HECW1: variants seen among roughly 807,000 people sequenced by gnomAD.
HECW1 encodes HECT, C2 and WW domain containing E3 ubiquitin protein ligase 1.
Under a neutral mutation model 182.3 loss-of-function variants are expected in HECW1, and 61 were observed. That is an observed-to-expected ratio of 0.33 (90% CI 0.27 to 0.41). The LOEUF is 0.41. HECW1 is among the 10% of genes least tolerant of loss of function. The pLI is 1.00. For synonymous variants in HECW1, 859 were observed against 832.6 expected (o/e 1.03, Z -0.55); for missense variants, 1,739 against 2,108.9 (o/e 0.82, Z 3.44).
Position 43,365,827 on chromosome 7 carries a change from C to T in HECW1, c.555+4847C>T, listed in dbSNP as rs185616234. On this transcript the variant is annotated intron_variant, in intron 6 of 29. Coordinates refer to ENST00000395891, the MANE Select transcript of HECW1 (RefSeq NM_015052.5). ...AACAAAGAACGGCTGGGTGCAGTGG[C>T]TCACGCCTGTAATCCTAGCACTTTG... Among the ~76,000 whole-genome samples, 470 of 152,268 alleles carry T rather than the reference C, an allele frequency of 3.1e-3. 3 individuals are homozygous for T. The highest frequency in any genetic ancestry group is 5.1e-3 in the Non-Finnish European group (347 of 68,030).
At chr7:43,349,170 G>A (rs1814075991) in intron 5 of HECW1, among the ~76,000 whole-genome samples, 2 of 152,242 alleles carry the variant, frequency 1.3e-5, no homozygotes, top group South Asian at 2.1e-4. Flanking sequence ...GAGTAGTTGG[G>A]ATTACAGGCA....
Position 43,346,728 on chromosome 7 carries a change from G to T in HECW1, c.461-14158G>T, listed in dbSNP as rs141713764. On this transcript the variant is annotated intron_variant, in intron 5 of 29. Coordinates refer to ENST00000395891, the MANE Select transcript of HECW1 (RefSeq NM_015052.5). The stretch of plus-strand genomic sequence containing the variant: ...TACATGAGGCTAGCCAATTATCCCA[G>T]CACCATTTGTTGAAAAGGGCATCCT... 2.8e-3 allele frequency among the ~76,000 whole-genome samples: 427 copies of T among 152,242 alleles called. 1 individual carries two copies. The highest frequency in any genetic ancestry group is 9.9e-3 in the African/African-American group (410 of 41,546).
At chr7:43,126,266 A>G (rs1786236219) in intron 2 of HECW1, among the ~76,000 whole-genome samples, 1 of 151,750 alleles carries the variant, frequency 6.6e-6, no homozygotes, top group Admixed American at 6.6e-5. Context: ...CTTCCCCACC[A>G]CTAGAAAAAT....
intron 24 of HECW1, among the ~76,000 whole-genome samples, chr7:43,525,399 A>G (rs971863653): frequency 6.6e-6 from 1 of 152,172 alleles, no homozygotes; most frequent in African/African-American, 2.4e-5. Context: ...TTAAAAAGCA[A>G]ATTATATGAA....
chr7:43,209,866 C>T (rs1259703484), intron 2 of HECW1, among the ~76,000 whole-genome samples: 1 of 152,164 alleles, frequency 6.6e-6, no homozygotes, highest in Non-Finnish European at 1.5e-5. Flanking sequence ...ATGGGCCGGG[C>T]ATTGGCGTTC....
chr7:43,488,399 G>T (rs1160122650), intron 17 of HECW1, among the ~76,000 whole-genome samples: 4 of 67,612 alleles, frequency 5.9e-5, no homozygotes, highest in South Asian at 9.8e-4. Flanking sequence ...AGGAAGGAAG[G>T]AAATGAAAGA....
intron 6 of HECW1, among the ~76,000 whole-genome samples, chr7:43,389,915 G>T (rs1016455993): frequency 7.9e-5 from 12 of 152,098 alleles, no homozygotes; most frequent in African/African-American, 2.9e-4. Flanking sequence ...TTACAGGTGT[G>T]AGCCACCCAC....
chr7:43,543,285 G>A (rs1156415034), intron 26 of HECW1, among the ~76,000 whole-genome samples: 1 of 152,158 alleles, frequency 6.6e-6, no homozygotes, highest in East Asian at 1.9e-4. Context: ...GCACTGGGTC[G>A]CTGCATGAGA....
Position 43,157,540 on chromosome 7 carries a change from A to T in HECW1, c.-32+43149A>T, listed in dbSNP as rs375798536. 5.3e-5 allele frequency among the ~76,000 whole-genome samples: 8 copies of T among 152,282 alleles called. No individual in the cohort carries two copies. The East Asian group carries it at 1.5e-3, about 29-fold the overall frequency. On this transcript the variant is annotated intron_variant, in intron 2 of 29. Transcript: ENST00000395891. ...TTGTGCTGTCACAGGGTTTACATTT[A>T]TAAGGATAAAATTGATATATTCTTT... is the stretch of plus-strand genomic sequence containing the variant.
At chr7:43,181,384 GT>G (rs1792845339) in intron 2 of HECW1, among the ~76,000 whole-genome samples, 1 of 150,918 alleles carries the variant, frequency 6.6e-6, no homozygotes, top group African/African-American at 2.5e-5. Context: ...GGATCATATA[GT>G]AGTTCTATTT....
chr7:43,147,719 G>C (rs1166867254), intron 2 of HECW1: 2 of 152,104 alleles, frequency 1.3e-5, no homozygotes, highest in Non-Finnish European at 2.9e-5. Context: ...AATGGCCCTT[G>C]ATGGTGCTGT....
At chr7:43,191,806 A>C (rs567887747) in intron 2 of HECW1, among the ~76,000 whole-genome samples, 99 of 152,330 alleles carry the variant, frequency 6.5e-4, no homozygotes, top group African/African-American at 2.2e-3. Flanking sequence ...ATAATCTCAA[A>C]TAATACAGCA....
At chr7:43,409,220 T>C (rs758859953) in intron 8 of HECW1, among the ~76,000 whole-genome samples, 42 of 152,222 alleles carry the variant, frequency 2.8e-4, no homozygotes, top group Non-Finnish European at 4.1e-4. Flanking sequence ...GTACTTAAAC[T>C]TCCTCCTAGC....
At chr7:43,296,522 C>T (rs755856081) in intron 3 of HECW1, among the ~76,000 whole-genome samples, 2 of 152,140 alleles carry the variant, frequency 1.3e-5, no homozygotes, top group African/African-American at 2.4e-5. Context: ...CAGCTGTGGA[C>T]GCAGCTGCGG....
At chr7:43,265,958 T>G (rs1184752486) in intron 3 of HECW1, among the ~76,000 whole-genome samples, 2 of 151,082 alleles carry the variant, frequency 1.3e-5, no homozygotes, top group East Asian at 2.0e-4. Context: ...TGAGGGGGGG[T>G]GTGGATTCTG....
In HECW1 at chr7:43,311,836, G is replaced by C; in HGVS notation, c.101G>C (p.Arg34Pro). 1.2e-6 allele frequency: 2 copies of C among 1,614,116 alleles called. No individual in the cohort carries two copies. Among genetic ancestry groups the C allele is most frequent in the East Asian group, 2.2e-5 (1 of 44,888 alleles). The change falls in exon 4 of 30, where the codon CGG becomes CCG. Residue 34 changes from arginine to proline, a missense_variant. Transcript: ENST00000395891. ...SPSRNSQSRRRCKEPLRYSYN... is the reference protein window; with the variant it reads ...SPSRNSQSRRPCKEPLRYSYN... ...TCTAGAAACTCCCAGAGCCGACGCC[G>C]GTGCAAGGAGCCGCTCCGATACAGC...
At chr7:43,136,108 AACAATCCAGGC>A in intron 2 of HECW1, among the ~76,000 whole-genome samples, 2 of 152,044 alleles carry the variant, frequency 1.3e-5, no homozygotes, top group South Asian at 4.2e-4. Context: ...TGGACAGTAA[AACAATCCAGGC>A]TGATGTTTAC....
At chr7:43,319,318 C>A (rs796808336) in intron 4 of HECW1, among the ~76,000 whole-genome samples, 2 of 141,704 alleles carry the variant, frequency 1.4e-5, no homozygotes, top group Non-Finnish European at 3.0e-5. Context: ...ACCCGGGAAG[C>A]GGAGCTTGCA....
rs201811956 is a variant in HECW1, at chr7:43,528,772, G to A, written c.4020-12391G>A. Among the ~76,000 whole-genome samples the A allele has an allele frequency of 7.9e-5, 12 of 152,264 alleles. No homozygotes were observed. In the East Asian group the frequency reaches 2.3e-3, roughly 29 times the overall value. ...CCAGGGCTAGACATTCATTTCAGTT[G>A]CTAATTAGCAATCCGAAGATAATAT... On this transcript the variant is annotated intron_variant, in intron 24 of 29. Transcript: ENST00000395891.
Sources: allele counts gnomAD v4.1 joint callset (sites outside exome capture counted in the v4.1 genomes callset), GRCh38; gene constraint gnomAD v4.1.1; transcripts MANE v1.5; gene names NCBI Gene and HGNC (gene_info 2026-07-23, HGNC 2026-07-21).